The following CDK7 variants were observed in gnomAD, a reference collection of about 807,000 sequenced individuals.
CDK7 encodes cyclin-dependent kinase 7.
A neutral mutation model predicts 49.1 loss-of-function variants in CDK7; 25 were observed. That is an observed-to-expected ratio of 0.51 (90% confidence interval 0.37 to 0.71). CDK7 has a LOEUF of 0.71. CDK7 is among the 30% of genes least tolerant of loss of function. The pLI, the probability that CDK7 is intolerant of heterozygous loss-of-function variation, is 0.00. For missense variants in CDK7, 316 were observed against 411.7 expected (o/e 0.77, Z 2.01); for synonymous variants, 107 against 140.0 (o/e 0.76, Z 1.67).
At chr5:69,236,239 TAA>T (rs35402446) in intron 2 of CDK7, among the ~76,000 whole-genome samples, 22,259 of 136,438 alleles carry the variant, frequency 0.16, 1,745 homozygotes, top group African/African-American at 0.22. Flanking sequence ...GACTCCATCT[TAA>T]AAAAAAAAAA....
At chr5:69,242,444 G>T (rs571716101) in intron 2 of CDK7, among the ~76,000 whole-genome samples, 61 of 152,088 alleles carry the variant, frequency 4.0e-4, no homozygotes, top group Non-Finnish European at 7.5e-4. Context: ...GCACCAGTTG[G>T]TCCATCAAAA....
intron 10 of CDK7, among the ~76,000 whole-genome samples, chr5:69,273,886 T>G (rs1162473427): frequency 6.6e-6 from 1 of 152,124 alleles, no homozygotes; most frequent in Non-Finnish European, 1.5e-5. Context: ...TATATGGAGA[T>G]GGATGGATGG....
intron 1 of CDK7, 113 bp from the exon 2 acceptor site, chr5:69,235,281 C>A: frequency 1.1e-6 from 1 of 870,190 alleles, no homozygotes; most frequent in Non-Finnish European, 1.9e-6. Flanking sequence ...CGTTTCCAGC[C>A]GCCGCGAGTC....
chr5:69,255,606 G>T (rs1346780261), intron 5 of CDK7, 78 bp downstream of exon 5: 2 of 1,014,276 alleles, frequency 2.0e-6, no homozygotes, highest in East Asian at 4.8e-5. Context: ...TTCTACCCAA[G>T]AAGATACTGG....
intron 9 of CDK7, among the ~76,000 whole-genome samples, chr5:69,271,513 CT>C (rs56035306): frequency 0.15 from 20,449 of 134,082 alleles, 1,461 homozygotes; most frequent in East Asian, 0.24. Flanking sequence ...ATTTTTTTTT[CT>C]TTTTTTTTTT....
chr5:69,251,987 C>CT (rs1750174408), intron 2 of CDK7, among the ~76,000 whole-genome samples: 1 of 152,086 alleles, frequency 6.6e-6, no homozygotes, highest in Non-Finnish European at 1.5e-5. Context: ...TGTAATTTTG[C>CT]TTTTTGAAAA....
In CDK7 at chr5:69,277,106, G is replaced by T; in HGVS notation, c.1013-1G>T. Reference sequence around the variant, plus strand: ...TTTTTCTTGTTCTTTTTGCTTCCTAGGAGGATTGCCCAAGAAACTAATTTT... The same window carrying T: ...TTTTTCTTGTTCTTTTTGCTTCCTATGAGGATTGCCCAAGAAACTAATTTT... On this transcript the variant is annotated splice_acceptor_variant, in intron 11 of 11. Transcript: ENST00000256443. LOFTEE classifies it high-confidence loss of function. 1 of 1,593,096 alleles carries T rather than the reference G, an allele frequency of 6.3e-7. No homozygotes were observed. Among genetic ancestry groups the T allele is most frequent in the South Asian group, 1.2e-5 (1 of 85,730 alleles).
intron 3 of CDK7, among the ~76,000 whole-genome samples, chr5:69,252,861 G>T (rs1010551659): frequency 1.3e-5 from 2 of 152,122 alleles, no homozygotes; most frequent in Non-Finnish European, 2.9e-5. Context: ...TAATAAGTTA[G>T]TAATGGTTCT....
At chr5:69,252,327 C>T (rs569908110) in intron 2 of CDK7, 91 bp from the exon 3 acceptor site, 13 of 786,866 alleles carry the variant, frequency 1.7e-5, no homozygotes, top group South Asian at 3.1e-5. Context: ...TTTTCTGTGG[C>T]GAAGTATTTG....
intron 8 of CDK7, among the ~76,000 whole-genome samples, chr5:69,265,940 T>G (rs1038267207): frequency 6.6e-6 from 1 of 151,804 alleles, no homozygotes; most frequent in Admixed American, 6.6e-5. Context: ...ATCAAGAAAT[T>G]AGCCAGACTT....
chr5:69,265,762 T>G (rs1357200668), intron 8 of CDK7, among the ~76,000 whole-genome samples: 1 of 152,018 alleles, frequency 6.6e-6, no homozygotes, highest in South Asian at 2.1e-4. Flanking sequence ...ATACAAAAAT[T>G]AGCCGGGCAT....
At chr5:69,237,078 T>C (rs1749047027) in intron 2 of CDK7, among the ~76,000 whole-genome samples, 1 of 151,742 alleles carries the variant, frequency 6.6e-6, no homozygotes, top group African/African-American at 2.4e-5. Flanking sequence ...ACTGAATCTT[T>C]CTTCATCTTT....
intron 2 of CDK7, among the ~76,000 whole-genome samples, chr5:69,249,924 A>C (rs1303446681): frequency 6.6e-6 from 1 of 152,196 alleles, no homozygotes; most frequent in Non-Finnish European, 1.5e-5. Flanking sequence ...AATTCTTTTT[A>C]ATTCTTTCAA....
intron 7 of CDK7, among the ~76,000 whole-genome samples, chr5:69,261,528 G>GTGTGTA (rs1750824373): frequency 6.8e-6 from 1 of 146,054 alleles, no homozygotes; most frequent in Non-Finnish European, 1.5e-5. Context: ...GTGTGTGTAT[G>GTGTGTA]TGTGTGTGGT....
At chr5:69,241,307 G>GTTT (rs1749355577) in intron 2 of CDK7, among the ~76,000 whole-genome samples, 5 of 112,944 alleles carry the variant, frequency 4.4e-5, no homozygotes, top group Non-Finnish European at 7.0e-5. Flanking sequence ...CTCATTGTAG[G>GTTT]TTTTTTCTTT....
At chr5:69,255,630 AAAG>A in intron 5 of CDK7, 102 bp downstream of exon 5, 1 of 888,404 alleles carries the variant, frequency 1.1e-6, no homozygotes, top group South Asian at 1.3e-5. Context: ...TAAAAGAAAA[AAAG>A]CTTAATTTTG....
chr5:69,254,718 T>G (rs1750375420), intron 4 of CDK7, 49 bp downstream of exon 4: 2 of 954,774 alleles, frequency 2.1e-6, no homozygotes, highest in Non-Finnish European at 3.4e-6. Context: ...TGCCTTTTCT[T>G]AATATAATGG....
intron 7 of CDK7, among the ~76,000 whole-genome samples, chr5:69,260,274 A>G (rs943717009): frequency 2.6e-5 from 4 of 152,108 alleles, no homozygotes; most frequent in Admixed American, 1.3e-4. Flanking sequence ...TGCTTGAACC[A>G]GAGAGGCAGA....
intron 8 of CDK7, among the ~76,000 whole-genome samples, chr5:69,265,273 A>G (rs1751074572): frequency 6.6e-6 from 1 of 150,568 alleles, no homozygotes; most frequent in Non-Finnish European, 1.5e-5. Flanking sequence ...TCAAAAAATA[A>G]AAAAAAAAAT....
Sources: gnomAD v4.1 joint callset for allele counts (sites outside exome capture counted in the v4.1 genomes callset) on GRCh38, gnomAD v4.1.1 for gene constraint, MANE v1.5 for transcripts, NCBI Gene and HGNC (gene_info 2026-07-23, HGNC 2026-07-21) for gene names.